NUTF2: variants seen among roughly 807,000 people sequenced by gnomAD.
NUTF2 encodes the protein nuclear transport factor 2, also known as placental protein 15.
In NUTF2, 3 loss-of-function variants were observed where a neutral mutation model predicts 18.5. The ratio of observed to expected loss-of-function variants is 0.16; its 90% CI spans 0.07 to 0.42. The LOEUF is 0.42. NUTF2 is among the 10% of genes least tolerant of loss of function. NUTF2 has a pLI of 0.99. For missense variants in NUTF2, 44 were observed against 160.7 expected (o/e 0.27, Z 3.93); for synonymous variants, 51 against 57.9 (o/e 0.88, Z 0.54).
chr16:67,853,105 ATAAAT>A (rs935530499), intron 1 of NUTF2, among the ~76,000 whole-genome samples: 6 of 152,194 alleles, frequency 3.9e-5, no homozygotes, highest in East Asian at 1.9e-4. Context: ...TGTCTTTAAA[ATAAAT>A]TAAATAAATA....
intron 1 of NUTF2, among the ~76,000 whole-genome samples, chr16:67,864,593 C>T (rs143897084): frequency 1.3e-5 from 2 of 151,850 alleles, no homozygotes; most frequent in African/African-American, 4.8e-5. Context: ...GTCAGCGTAG[C>T]CCTGGGACAG....
chr16:67,857,103 C>T lies in NUTF2; in HGVS notation c.-29-7999C>T, dbSNP rs539173854. Among the ~76,000 whole-genome samples, 14 of 152,316 alleles carry T rather than the reference C, an allele frequency of 9.2e-5. No homozygotes were observed. The East Asian group carries it at 2.5e-3, about 27-fold the overall frequency. On this transcript the variant is annotated intron_variant, in intron 1 of 4. Coordinates refer to ENST00000219169, the MANE Select transcript of NUTF2 (RefSeq NM_005796.3). The stretch of plus-strand genomic sequence containing the variant: ...GTTGGCCAGGCCACAGGAGTGGTCA[C>T]TTAGGGGTCTCAAGCCCCATTAGGG...
intron 1 of NUTF2, among the ~76,000 whole-genome samples, chr16:67,854,612 G>A (rs980620200): frequency 2.0e-5 from 3 of 152,222 alleles, no homozygotes; most frequent in African/African-American, 4.8e-5. Context: ...CAAGGGGAGT[G>A]AATCCTAAAA....
Position 67,865,073 on chromosome 16 carries a change from C to A in NUTF2, c.-29-29C>A, listed in dbSNP as rs895254583. On this transcript the variant is annotated intron_variant, in intron 1 of 4. Coordinates refer to ENST00000219169, the MANE Select transcript of NUTF2 (RefSeq NM_005796.3). ...GTCACCTACTCTCATGGTACCAATG[C>A]TTCCCTCCTGGTCTCATTGGTCTTG... 6.8e-6 allele frequency: 8 copies of A among 1,171,296 alleles called. No homozygotes were observed. In the African/African-American group the frequency reaches 1.2e-4, roughly 18 times the overall value. 72.6% of individuals were successfully genotyped at this position (1,171,296 alleles called of 1,614,324 possible).
At chr16:67,851,886 C>T (rs1033903934) in intron 1 of NUTF2, among the ~76,000 whole-genome samples, 2 of 151,514 alleles carry the variant, frequency 1.3e-5, no homozygotes, top group African/African-American at 2.4e-5. Context: ...CGTGGTGGTG[C>T]ATGCCTGTAA....
chr16:67,870,281 T>G (rs1817065917), intron 4 of NUTF2: 1 of 153,558 alleles, frequency 6.5e-6, no homozygotes, highest in South Asian at 2.0e-4. Context: ...GCTAGGCTCC[T>G]ATTTCAACTA....
intron 1 of NUTF2, among the ~76,000 whole-genome samples, chr16:67,864,766 C>G (rs2057959061): frequency 6.6e-6 from 1 of 152,090 alleles, no homozygotes; most frequent in African/African-American, 2.4e-5. Flanking sequence ...CCCATAAGGC[C>G]CCTCCCCTTA....
intron 1 of NUTF2, chr16:67,855,989 G>A: frequency 8.1e-7 from 1 of 1,239,118 alleles, no homozygotes; most frequent in Non-Finnish European, 1.2e-6. Context: ...GGTGCCAGCG[G>A]CCTTGGTGAC....
intron 1 of NUTF2, among the ~76,000 whole-genome samples, chr16:67,859,060 G>A (rs1190206545): frequency 1.3e-5 from 2 of 151,576 alleles, no homozygotes; most frequent in African/African-American, 2.4e-5. Flanking sequence ...GTCTTGAACT[G>A]CTGGGCTTAA....
chr16:67,849,491 G>A (rs938007193), intron 1 of NUTF2, among the ~76,000 whole-genome samples: 20 of 140,432 alleles, frequency 1.4e-4, no homozygotes, highest in East Asian at 4.4e-4. Flanking sequence ...ACAGGCGCAC[G>A]CCACCATGCC....
chr16:67,870,506 G>A (rs1307569129), intron 4 of NUTF2: 1 of 368,992 alleles, frequency 2.7e-6, no homozygotes, highest in African/African-American at 2.1e-5. Context: ...ATATGTGCTT[G>A]GAGGCAGGTA....
chr16:67,848,357 C>T (rs568015021), intron 1 of NUTF2, among the ~76,000 whole-genome samples: 20 of 152,228 alleles, frequency 1.3e-4, no homozygotes, highest in Admixed American at 1.0e-3. Context: ...CCAAGGCCAG[C>T]GGATCACCTG....
intron 1 of NUTF2, among the ~76,000 whole-genome samples, chr16:67,848,004 C>G (rs1052302645): frequency 2.6e-5 from 4 of 152,182 alleles, no homozygotes; most frequent in African/African-American, 9.7e-5. Flanking sequence ...AGTCTGGCTT[C>G]CCCTCACTTG....
chr16:67,856,193 TTTTG>T, intron 1 of NUTF2: 2 of 312,440 alleles, frequency 6.4e-6, no homozygotes, highest in Non-Finnish European at 6.0e-6. Flanking sequence ...GCCAGTTTTT[TTTTG>T]TTGTTGTTGT....
chr16:67,867,315 C>T (rs187243610), intron 2 of NUTF2, among the ~76,000 whole-genome samples: 1 of 152,318 alleles, frequency 6.6e-6, no homozygotes, highest in African/African-American at 2.4e-5. Context: ...AGAGAGTTAG[C>T]AAGGTCCTAA....
Position 67,872,346 on chromosome 16 carries a change from C to G in NUTF2, c.*1433C>G, listed in dbSNP as rs910839128. ...GACCTCCTCAGATCCCACAGATTGCCTGGTGACATTGGGCACAGGGCTGGA... is the reference window on the plus strand; with the variant it reads ...GACCTCCTCAGATCCCACAGATTGCGTGGTGACATTGGGCACAGGGCTGGA... On this transcript the variant is annotated 3_prime_UTR_variant, in exon 5 of 5. Transcript: ENST00000219169. 6.6e-6 allele frequency: 1 copy of G among 152,260 alleles called. No individual in the cohort carries two copies. The highest frequency in any genetic ancestry group is 2.4e-5 in the African/African-American group (1 of 41,450). The allele number at this position is 152,260 out of a possible 1,614,324, so 9.4% of individuals were successfully genotyped here. A position where few individuals can be genotyped will look rare whatever the true frequency, so the allele number is the denominator to read the frequency against.
chr16:67,869,700 G>A (rs938514246), intron 4 of NUTF2, among the ~76,000 whole-genome samples: 1 of 152,096 alleles, frequency 6.6e-6, no homozygotes, highest in East Asian at 1.9e-4. Flanking sequence ...CAGGAGAATC[G>A]CTTGAACCTG....
intron 1 of NUTF2, among the ~76,000 whole-genome samples, chr16:67,849,168 T>C (rs1439728200): frequency 2.0e-5 from 3 of 151,980 alleles, no homozygotes; most frequent in Non-Finnish European, 4.4e-5. Flanking sequence ...AGCTGGGCAA[T>C]AAGGAGGGAC....
At chr16:67,849,616 C>T (rs2057837802) in intron 1 of NUTF2, among the ~76,000 whole-genome samples, 1 of 151,914 alleles carries the variant, frequency 6.6e-6, no homozygotes, top group South Asian at 2.1e-4. Flanking sequence ...GCTGGGATTA[C>T]AGGCATGAGC....
Sources: allele counts gnomAD v4.1 joint callset (sites outside exome capture counted in the v4.1 genomes callset), GRCh38; gene constraint gnomAD v4.1.1; transcripts MANE v1.5; gene names NCBI Gene and HGNC (gene_info 2026-07-23, HGNC 2026-07-21).